LYN: variants seen among roughly 807,000 people sequenced by gnomAD.
The protein encoded by LYN is LYN proto-oncogene, Src family tyrosine kinase, also known as tyrosine-protein kinase Lyn.
In LYN, 12 loss-of-function variants were observed where a neutral mutation model predicts 65.0. That is an observed-to-expected ratio of 0.18 (90% CI 0.12 to 0.30). LYN has a LOEUF of 0.30. Ranked by LOEUF, LYN falls within the 10% of genes least tolerant of loss-of-function variation. The probability of loss-of-function intolerance (pLI) is 1.00; values close to 1 mark genes in which losing one functional copy is unlikely to be tolerated. For synonymous variants in LYN, 222 were observed against 221.2 expected, an observed-to-expected ratio of 1.00 and a Z score of -0.03; for missense variants, 380 against 623.2, an observed-to-expected ratio of 0.61 and a Z score of 4.16.
chr8:55,887,580 A>ACT (rs1804836829), intron 1 of LYN, among the ~76,000 whole-genome samples: 1 of 102,504 alleles, frequency 9.8e-6, no homozygotes, highest in South Asian at 3.0e-4. Context: ...ATATATACAC[A>ACT]CACACACACA....
At chr8:55,939,536 G>GT (rs1346658068) in intron 1 of LYN, among the ~76,000 whole-genome samples, 7 of 152,018 alleles carry the variant, frequency 4.6e-5, no homozygotes, top group Non-Finnish European at 8.8e-5. Flanking sequence ...ACGCAGTGGG[G>GT]GGGGGACAGG....
intron 9 of LYN, among the ~76,000 whole-genome samples, chr8:55,967,291 C>T (rs1272209485): frequency 1.3e-5 from 2 of 149,712 alleles, no homozygotes; most frequent in African/African-American, 4.9e-5. Flanking sequence ...TTGTTCAGTA[C>T]CAAATTCCTC....
At chr8:55,908,624 C>T (rs1249087384) in intron 1 of LYN, among the ~76,000 whole-genome samples, 1 of 151,962 alleles carries the variant, frequency 6.6e-6, no homozygotes, top group Non-Finnish European at 1.5e-5. Flanking sequence ...TTAAGAGGTG[C>T]AAGTGCAGTT....
At chr8:55,920,482 GC>G (rs779340634) in intron 1 of LYN, among the ~76,000 whole-genome samples, 8 of 152,334 alleles carry the variant, frequency 5.3e-5, no homozygotes, top group Non-Finnish European at 1.2e-4. Flanking sequence ...CTCTGAGAGA[GC>G]ATTTAACATA....
At chr8:56,008,125 A>AAAAAAT (rs762053359) in intron 12 of LYN, among the ~76,000 whole-genome samples, 1 of 133,608 alleles carries the variant, frequency 7.5e-6, no homozygotes, top group African/African-American at 3.0e-5. Context: ...CCTCAAAAAA[A>AAAAAAT]AAATAAAATA....
intron 1 of LYN, among the ~76,000 whole-genome samples, chr8:55,903,182 G>A (rs972299739): frequency 2.2e-4 from 34 of 151,498 alleles, no homozygotes; most frequent in Admixed American, 9.2e-4. Context: ...TGGTAGAGAC[G>A]GGATTTCACC....
At chr8:56,008,322 A>C (rs989648099) in intron 12 of LYN, among the ~76,000 whole-genome samples, 1 of 152,192 alleles carries the variant, frequency 6.6e-6, no homozygotes, top group Non-Finnish European at 1.5e-5. Context: ...CTTATTTAGA[A>C]TCCTTCCAGT....
chr8:55,942,319 G>GTATATATATGTGTA (rs1347833454), intron 2 of LYN, among the ~76,000 whole-genome samples: 2 of 138,836 alleles, frequency 1.4e-5, no homozygotes, highest in Non-Finnish European at 1.5e-5. Flanking sequence ...GTGTATATAT[G>GTATATATATGTGTA]TATATATATG....
chr8:55,978,331 C>A (rs999371222), intron 10 of LYN, among the ~76,000 whole-genome samples: 7 of 152,290 alleles, frequency 4.6e-5, no homozygotes, highest in Admixed American at 2.0e-4. Context: ...TGAGCGAGGT[C>A]AGTGTTGCCT....
At chr8:55,891,055 A>T (rs2130362080) in intron 1 of LYN, among the ~76,000 whole-genome samples, 2 of 151,848 alleles carry the variant, frequency 1.3e-5, no homozygotes, top group Middle Eastern at 3.4e-3. Context: ...TTCAGCCTTT[A>T]AAAAAAGGAA....
chr8:55,937,021 C>T (rs1040507492), intron 1 of LYN, among the ~76,000 whole-genome samples: 1 of 152,206 alleles, frequency 6.6e-6, no homozygotes, highest in Non-Finnish European at 1.5e-5. Flanking sequence ...TTTATAGCTA[C>T]TCTGTTTGCT....
At chr8:55,921,339 G>A (rs560025142) in intron 1 of LYN, among the ~76,000 whole-genome samples, 12 of 152,270 alleles carry the variant, frequency 7.9e-5, no homozygotes, top group Non-Finnish European at 1.6e-4. Flanking sequence ...GCAAAGAAGC[G>A]GGATAGACAG....
At chr8:55,921,027 C>T (rs1258177427) in intron 1 of LYN, among the ~76,000 whole-genome samples, 1 of 152,078 alleles carries the variant, frequency 6.6e-6, no homozygotes, top group Non-Finnish European at 1.5e-5. Context: ...GATTTTCAGC[C>T]CACATTCTTT....
chr8:55,942,405 GTA>G (rs999174216), intron 2 of LYN, among the ~76,000 whole-genome samples: 18 of 140,800 alleles, frequency 1.3e-4, no homozygotes, highest in African/African-American at 4.9e-4. Context: ...GTATATATGT[GTA>G]TATATATGTG....
At position 55,952,008 on chromosome 8, in the gene LYN, G is replaced by A; in HGVS notation, c.530G>A (p.Gly177Asp). ...GTCAGAGACTTTGACCCTGTGCATG[G>A]TGATGTTATTAAGCACTACAAAATT... ...LSVRDFDPVH[G>D]DVIKHYKIRS... Residue 177 changes from glycine to aspartate, a missense_variant, in exon 7 of 13, where the codon GGT (glycine) becomes GAT (aspartate). Coordinates refer to ENST00000519728, the MANE Select transcript of LYN (RefSeq NM_002350.4). The A allele has an allele frequency of 6.2e-7, 1 of 1,612,176 alleles. No individual in the cohort carries two copies. Among genetic ancestry groups the A allele is most frequent in the Non-Finnish European group, 8.5e-7 (1 of 1,179,518 alleles).
chr8:55,921,307 G>T (rs967860637), intron 1 of LYN, among the ~76,000 whole-genome samples: 3 of 152,168 alleles, frequency 2.0e-5, no homozygotes, highest in Admixed American at 6.5e-5. Flanking sequence ...CACTGTGTAT[G>T]TTTTATTGAA....
intron 10 of LYN, among the ~76,000 whole-genome samples, chr8:55,986,032 G>A (rs1478707049): frequency 2.6e-5 from 4 of 151,944 alleles, no homozygotes; most frequent in Non-Finnish European, 5.9e-5. Flanking sequence ...AGTTGGGTGT[G>A]GCAGTGAGCA....
At chr8:55,937,952 C>G (rs1432611860) in intron 1 of LYN, among the ~76,000 whole-genome samples, 1 of 152,192 alleles carries the variant, frequency 6.6e-6, no homozygotes, top group African/African-American at 2.4e-5. Context: ...CCGCCTCGGC[C>G]TCCCAAAGTT....
intron 1 of LYN, among the ~76,000 whole-genome samples, chr8:55,903,469 A>G (rs1017053183): frequency 1.3e-5 from 2 of 152,246 alleles, no homozygotes; most frequent in African/African-American, 4.8e-5. Flanking sequence ...TCAACAAGAG[A>G]CTAAAAAACT....
Sources: gnomAD v4.1 joint callset for allele counts (sites outside exome capture counted in the v4.1 genomes callset) on GRCh38, gnomAD v4.1.1 for gene constraint, MANE v1.5 for transcripts, NCBI Gene and HGNC (gene_info 2026-07-23, HGNC 2026-07-21) for gene names.